The following DNMBP variants were observed in gnomAD, a reference collection of about 807,000 sequenced individuals.
The protein encoded by DNMBP is dynamin binding protein.
Under a neutral mutation model 150.0 loss-of-function variants are expected in DNMBP, and 87 were observed. The ratio of observed to expected loss-of-function variants is 0.58; its 90% CI spans 0.49 to 0.69. The LOEUF (loss-of-function observed/expected upper bound fraction) is 0.69, where lower values mean the gene tolerates loss of function less well. Ranked by LOEUF, DNMBP falls within the 30% of genes least tolerant of loss-of-function variation. The pLI is 0.00. For missense variants in DNMBP, 1,774 were observed against 1,949.0 expected (o/e 0.91, Z 1.69); for synonymous variants, 711 against 750.4 (o/e 0.95, Z 0.86).
chr10:99,966,842 G>T lies in DNMBP; in HGVS notation c.268+2273C>A, dbSNP rs11818179. Among the ~76,000 whole-genome samples the T allele has an allele frequency of 6.7e-3, 1,013 of 151,990 alleles. 11 individuals carry two copies. Among genetic ancestry groups the T allele is most frequent in the African/African-American group, 0.023 (969 of 41,456 alleles). On this transcript the variant is annotated intron_variant, in intron 3 of 16. Transcript: ENST00000324109. Reference sequence around the variant, plus strand: ...GTTGCCCAAGCTGGAGTGTAGTGGCGTAAACACAGCTCACTGCAGCCTCAA... The same window carrying T: ...GTTGCCCAAGCTGGAGTGTAGTGGCTTAAACACAGCTCACTGCAGCCTCAA...
chr10:99,972,147 A>G lies in DNMBP; in HGVS notation c.-10-13T>C. The G allele has an allele frequency of 6.3e-7, 1 of 1,597,208 alleles. No homozygotes were observed. The highest frequency in any genetic ancestry group is 8.5e-7 in the Non-Finnish European group (1 of 1,174,844). ...CATGTTTTATAACCTGGAAAGATAGATCAAGAGAAATAGAAAACATCAATA... is the reference window on the plus strand; with the variant it reads ...CATGTTTTATAACCTGGAAAGATAGGTCAAGAGAAATAGAAAACATCAATA... On this transcript the variant is annotated splice_polypyrimidine_tract_variant and intron_variant, in intron 1 of 16. Coordinates refer to ENST00000324109, the MANE Select transcript of DNMBP (RefSeq NM_015221.4).
chr10:99,885,997 A>G, intron 13 of DNMBP, 131 bp from the exon 14 acceptor site: 1 of 937,542 alleles, frequency 1.1e-6, no homozygotes. Flanking sequence ...GCTAAAGTTC[A>G]GCTGCAGCTC....
In DNMBP at chr10:99,885,897, A is replaced by G. The variant is rs906128698; in HGVS notation, c.3619-31T>C. 3 of 1,555,340 alleles carry G rather than the reference A, an allele frequency of 1.9e-6. No homozygotes were observed. In the African/African-American group the frequency reaches 4.1e-5, roughly 21 times the overall value. The stretch of plus-strand genomic sequence containing the variant: ...GTCCATGGGAAGAGCAGAGATAGAG[A>G]AAAGAAGAAAACACGATAAAAGATC... On this transcript the variant is annotated intron_variant, in intron 13 of 16. Coordinates refer to ENST00000324109, the MANE Select transcript of DNMBP (RefSeq NM_015221.4).
intron 4 of DNMBP, among the ~76,000 whole-genome samples, chr10:99,942,824 T>C (rs1211743613): frequency 6.6e-6 from 1 of 152,212 alleles, no homozygotes; most frequent in African/African-American, 2.4e-5. Flanking sequence ...TGCTGTCTTA[T>C]ACTAGGATAA....
chr10:99,944,750 T>C (rs2040339118), intron 4 of DNMBP, among the ~76,000 whole-genome samples: 1 of 152,176 alleles, frequency 6.6e-6, no homozygotes, highest in Non-Finnish European at 1.5e-5. Flanking sequence ...ATAAATACTG[T>C]CTAGTATTCT....
Position 99,951,529 on chromosome 10 carries a change from G to A in DNMBP, c.2260+3685C>T, listed in dbSNP as rs2040422457. Among the ~76,000 whole-genome samples the A allele has an allele frequency of 2.6e-5, 4 of 152,362 alleles. No homozygotes were observed. In the South Asian group the frequency reaches 8.3e-4, roughly 32 times the overall value. ...TGTACCCTGGAGAGCCACAGGGGCA[G>A]AGCCGCCCAACACCATGGGAACCCA... On this transcript the variant is annotated intron_variant, in intron 4 of 16. Coordinates refer to ENST00000324109, the MANE Select transcript of DNMBP (RefSeq NM_015221.4).
chr10:99,909,288 G>A (rs2039871842), intron 4 of DNMBP, 142 bp from the exon 5 acceptor site: 1 of 657,756 alleles, frequency 1.5e-6, no homozygotes, highest in Non-Finnish European at 2.6e-6. Flanking sequence ...GCACATGTCA[G>A]TTGTAAACAG....
chr10:99,906,011 C>G (rs2039820727), intron 6 of DNMBP, among the ~76,000 whole-genome samples: 1 of 152,190 alleles, frequency 6.6e-6, no homozygotes, highest in African/African-American at 2.4e-5. Context: ...AGAGGGCTGT[C>G]TATTGTAGAG....
intron 15 of DNMBP, 116 bp from the exon 16 acceptor site, chr10:99,880,477 A>G: frequency 1.5e-6 from 2 of 1,368,140 alleles, no homozygotes; most frequent in South Asian, 3.2e-5. Flanking sequence ...ATGAAGAGTA[A>G]AACAAAAACT....
chr10:99,918,574 CTT>C (rs71009786), intron 4 of DNMBP, among the ~76,000 whole-genome samples: 3 of 137,902 alleles, frequency 2.2e-5, no homozygotes, highest in African/African-American at 8.2e-5. Context: ...TCTGCAACTT[CTT>C]TTTTTTTTTT....
intron 4 of DNMBP, among the ~76,000 whole-genome samples, chr10:99,932,591 G>A (rs36002759): frequency 0.078 from 11,700 of 149,894 alleles, 639 homozygotes; most frequent in Non-Finnish European, 0.12. Flanking sequence ...AAAGGAGTCC[G>A]TGAGGAACCC....
At chr10:99,925,410 C>T (rs1564734085) in intron 4 of DNMBP, among the ~76,000 whole-genome samples, 3 of 151,964 alleles carry the variant, frequency 2.0e-5, no homozygotes, top group Non-Finnish European at 2.9e-5. Context: ...GTGACCCACA[C>T]TTTATTTTTT....
At position 99,877,276 on chromosome 10, in the gene DNMBP, T is replaced by G. The variant is rs1366782601; in HGVS notation, c.4609A>C (p.Asn1537His). The stretch of plus-strand genomic sequence containing the variant: ...AACTCGAGGATCTTGAGTTTCTGAT[T>G]GGCTGACACGCTCAGCTCATTTGGG... Reference protein sequence around the residue: ...RNPNELSVSANQKLKILEFKD... With the variant: ...RNPNELSVSAHQKLKILEFKD... The change falls in exon 17 of 17, where the codon AAT (asparagine) becomes CAT (histidine). Residue 1537 changes from asparagine (N) to histidine (H), a missense_variant. By Grantham distance (68) the Asn-to-His change is moderately conservative. Coordinates refer to ENST00000324109, the MANE Select transcript of DNMBP (RefSeq NM_015221.4). 2 of 1,613,954 alleles carry G rather than the reference T, an allele frequency of 1.2e-6. No homozygotes were observed. Among genetic ancestry groups the G allele is most frequent in the Admixed American group, 1.7e-5 (1 of 59,988 alleles).
intron 1 of DNMBP, among the ~76,000 whole-genome samples, chr10:100,007,825 G>A (rs1589459168): frequency 1.3e-5 from 2 of 152,092 alleles, no homozygotes; most frequent in African/African-American, 4.8e-5. Context: ...ATTAACTCCT[G>A]ACCAACAAGA....
chr10:99,895,995 C>T (rs2039646809), intron 10 of DNMBP, among the ~76,000 whole-genome samples: 1 of 152,124 alleles, frequency 6.6e-6, no homozygotes, highest in South Asian at 2.1e-4. Context: ...TTCCTGCTAG[C>T]TTAGTAAGTC....
intron 3 of DNMBP, among the ~76,000 whole-genome samples, chr10:99,964,381 C>A (rs2133344842): frequency 6.6e-6 from 1 of 151,832 alleles, no homozygotes; most frequent in South Asian, 2.1e-4. Context: ...CTCAGCCTCC[C>A]AAAGTGCTGG....
chr10:99,959,577 G>A (rs935434888), intron 3 of DNMBP, among the ~76,000 whole-genome samples: 4 of 152,152 alleles, frequency 2.6e-5, no homozygotes, highest in African/African-American at 9.7e-5. Flanking sequence ...GGGAGGCCAG[G>A]TGCAGTGGCT....
intron 4 of DNMBP, among the ~76,000 whole-genome samples, chr10:99,954,621 G>A (rs1246678021): frequency 1.3e-5 from 2 of 151,676 alleles, no homozygotes; most frequent in Admixed American, 6.6e-5. Context: ...GCGCTTGCCT[G>A]TAATCCCAGC....
intron 15 of DNMBP, among the ~76,000 whole-genome samples, chr10:99,882,840 TG>T (rs1379600601): frequency 6.6e-6 from 1 of 152,148 alleles, no homozygotes; most frequent in Admixed American, 6.5e-5. Context: ...CAAGGCGGGA[TG>T]GAACACCTGA....
Sources: allele counts gnomAD v4.1 joint callset (sites outside exome capture counted in the v4.1 genomes callset), GRCh38; gene constraint gnomAD v4.1.1; transcripts MANE v1.5; gene names NCBI Gene and HGNC (gene_info 2026-07-23, HGNC 2026-07-21).